LRRC4C: variants seen among roughly 807,000 people sequenced by gnomAD.
The protein encoded by LRRC4C is leucine-rich repeat-containing protein 4C.
A neutral mutation model predicts 33.6 loss-of-function variants in LRRC4C; 5 were observed. That is an observed-to-expected ratio of 0.15 (90% CI 0.08 to 0.31). LRRC4C has a LOEUF of 0.31. Ranked by LOEUF, LRRC4C falls within the 10% of genes least tolerant of loss-of-function variation. The probability of loss-of-function intolerance (pLI) is 1.00; values close to 1 mark genes in which losing one functional copy is unlikely to be tolerated. For synonymous variants in LRRC4C, 329 were observed against 302.0 expected (o/e 1.09, Z -0.93); for missense variants, 560 against 796.7 (o/e 0.70, Z 3.58).
At chr11:40,394,813 A>G (rs1590595288) in intron 3 of LRRC4C, among the ~76,000 whole-genome samples, 1 of 152,158 alleles carries the variant, frequency 6.6e-6, no homozygotes, top group Non-Finnish European at 1.5e-5. Context: ...TTTATTATTA[A>G]CCTAAATCAG....
chr11:41,064,049 T>C (rs143409250), intron 1 of LRRC4C, among the ~76,000 whole-genome samples: 1 of 152,318 alleles, frequency 6.6e-6, no homozygotes, highest in Non-Finnish European at 1.5e-5. Context: ...TGGTTTATAC[T>C]CCATTGTATC....
intron 3 of LRRC4C, among the ~76,000 whole-genome samples, chr11:40,480,935 A>G (rs1439668134): frequency 6.6e-6 from 1 of 152,006 alleles, no homozygotes; most frequent in East Asian, 1.9e-4. Flanking sequence ...GAGGGTGGAA[A>G]AGTGGGGAGA....
intron 2 of LRRC4C, among the ~76,000 whole-genome samples, chr11:40,855,300 C>A (rs950206894): frequency 1.9e-4 from 29 of 152,144 alleles, no homozygotes; most frequent in Admixed American, 6.5e-5. Context: ...GATGTTTTTA[C>A]TATAATGAAA....
intron 2 of LRRC4C, among the ~76,000 whole-genome samples, chr11:40,891,661 A>G (rs1312796304): frequency 6.6e-6 from 1 of 152,204 alleles, no homozygotes; most frequent in African/African-American, 2.4e-5. Context: ...TGTGCTCAAC[A>G]CCATTGATCA....
chr11:41,311,358 C>T (rs190145684), intron 1 of LRRC4C, among the ~76,000 whole-genome samples: 2 of 151,936 alleles, frequency 1.3e-5, no homozygotes, highest in African/African-American at 2.4e-5. Context: ...ACAAAAAACA[C>T]CATTTAAGCT....
chr11:41,262,680 GT>G (rs1949021328), intron 1 of LRRC4C, among the ~76,000 whole-genome samples: 2 of 152,078 alleles, frequency 1.3e-5, no homozygotes, highest in Non-Finnish European at 2.9e-5. Flanking sequence ...ATATTCAACA[GT>G]TTTTGTTCAG....
intron 3 of LRRC4C, among the ~76,000 whole-genome samples, chr11:40,390,082 C>A (rs1045624842): frequency 6.6e-6 from 1 of 152,118 alleles, no homozygotes; most frequent in African/African-American, 2.4e-5. Context: ...AGGGAGTTAT[C>A]ACAAGGCTAA....
chr11:41,258,782 C>G (rs552000546), intron 1 of LRRC4C, among the ~76,000 whole-genome samples: 1 of 152,090 alleles, frequency 6.6e-6, no homozygotes, highest in South Asian at 2.1e-4. Context: ...CATTAACACT[C>G]TAGAATATGT....
rs144343865 is a variant in LRRC4C, at chr11:40,642,983, A to G, written c.-270+5159T>C. Reference sequence around the variant, plus strand: ...CCTATTTATCCCATTAAAGGCAACCACAAATCCCAGATATTATATTGGAAA... The same window carrying G: ...CCTATTTATCCCATTAAAGGCAACCGCAAATCCCAGATATTATATTGGAAA... On this transcript the variant is annotated intron_variant, in intron 3 of 6. Transcript: ENST00000528697. 3.4e-4 allele frequency among the ~76,000 whole-genome samples: 52 copies of G among 152,326 alleles called. 2 individuals carry two copies. In the East Asian group the frequency reaches 0.01, roughly 29 times the overall value.
intron 1 of LRRC4C, among the ~76,000 whole-genome samples, chr11:41,402,443 T>C (rs1313683032): frequency 6.6e-6 from 1 of 152,054 alleles, no homozygotes; most frequent in African/African-American, 2.4e-5. Context: ...TTATGTCCAT[T>C]GATAAAAGTA....
At chr11:40,286,169 G>T (rs951261871) in intron 4 of LRRC4C, among the ~76,000 whole-genome samples, 1 of 151,998 alleles carries the variant, frequency 6.6e-6, no homozygotes, top group African/African-American at 2.4e-5. Flanking sequence ...TTCCTGTAAA[G>T]ATGTATGTAT....
At chr11:40,649,580 T>C (rs1360771931) in intron 2 of LRRC4C, among the ~76,000 whole-genome samples, 1 of 152,186 alleles carries the variant, frequency 6.6e-6, no homozygotes, top group Non-Finnish European at 1.5e-5. Context: ...ATTTGTACAG[T>C]TAACACAGTA....
chr11:41,338,374 T>A (rs995103722), intron 1 of LRRC4C, among the ~76,000 whole-genome samples: 1 of 152,028 alleles, frequency 6.6e-6, no homozygotes, highest in African/African-American at 2.4e-5. Context: ...TAAAGAGAAA[T>A]GAGATCATGT....
rs537109514 is a variant in LRRC4C at position 40,177,478 on chromosome 11, T to C, written c.-95-36625A>G. 3.9e-5 allele frequency among the ~76,000 whole-genome samples: 6 copies of C among 152,198 alleles called. No homozygotes were observed. In the South Asian group the frequency reaches 8.3e-4, roughly 21 times the overall value. ...TAGCTCCGACTTCTCTCCCTCACTA[T>C]ATACCTTCCAGTCACACTGTACTCC... On this transcript the variant is annotated intron_variant, in intron 5 of 6. Coordinates refer to ENST00000528697, the MANE Select transcript of LRRC4C (RefSeq NM_001258419.2).
chr11:40,719,271 A>G (rs1446096119), intron 2 of LRRC4C, among the ~76,000 whole-genome samples: 2 of 152,248 alleles, frequency 1.3e-5, no homozygotes, highest in Admixed American at 6.5e-5. Flanking sequence ...ATTTTGCCAT[A>G]GTAGTGAATG....
rs965823714 is a variant in LRRC4C at position 41,281,990 on chromosome 11, T to C, written c.-496+177441A>G. Among the ~76,000 whole-genome samples the C allele has an allele frequency of 2.6e-5, 4 of 152,200 alleles. No individual in the cohort carries two copies. The South Asian group carries it at 8.3e-4, about 31-fold the overall frequency. On this transcript the variant is annotated intron_variant, in intron 1 of 6. Transcript: ENST00000528697. Reference sequence around the variant, plus strand: ...ATGTGAAGGGGGATCTCAAAAGTCTTCTTAGAGGCCTTGGTGGATGTGTGA... The same window carrying C: ...ATGTGAAGGGGGATCTCAAAAGTCTCCTTAGAGGCCTTGGTGGATGTGTGA...
intron 3 of LRRC4C, among the ~76,000 whole-genome samples, chr11:40,437,613 T>C (rs1331063214): frequency 6.6e-6 from 1 of 151,882 alleles, no homozygotes; most frequent in Non-Finnish European, 1.5e-5. Context: ...AGGCTGGTCT[T>C]GAACTCCTGA....
At chr11:40,351,023 T>C (rs1947359046) in intron 3 of LRRC4C, among the ~76,000 whole-genome samples, 2 of 152,080 alleles carry the variant, frequency 1.3e-5, no homozygotes, top group South Asian at 4.1e-4. Context: ...GATCATATCA[T>C]CTGCAAACAA....
chr11:40,245,093 A>C (rs1262324976), intron 4 of LRRC4C, among the ~76,000 whole-genome samples: 1 of 152,164 alleles, frequency 6.6e-6, no homozygotes, highest in Non-Finnish European at 1.5e-5. Context: ...TCATCCATGA[A>C]TGAACCCAGC....
Sources: allele counts gnomAD v4.1 joint callset (sites outside exome capture counted in the v4.1 genomes callset), GRCh38; gene constraint gnomAD v4.1.1; transcripts MANE v1.5; gene names NCBI Gene and HGNC (gene_info 2026-07-23, HGNC 2026-07-21).